The following PRR16 variants were observed in gnomAD, a reference collection of about 807,000 sequenced individuals.
The protein encoded by PRR16 is proline rich 16, also known as protein Largen.
PRR16 carries 6 observed loss-of-function variants against 18.2 expected under a neutral mutation model. The ratio of observed to expected loss-of-function variants is 0.33; its 90% CI spans 0.18 to 0.65. The LOEUF (loss-of-function observed/expected upper bound fraction) is 0.65, where lower values mean the gene tolerates loss of function less well. Among genes scored for constraint, PRR16 ranks in the 30% least tolerant of loss-of-function variants. PRR16 has a pLI of 0.74. For missense variants in PRR16, 412 were observed against 376.6 expected (o/e 1.09, Z -0.78); for synonymous variants, 151 against 147.8 (o/e 1.02, Z -0.16).
chr5:120,537,780 T>G (rs897938124), intron 1 of PRR16, among the ~76,000 whole-genome samples: 1 of 143,694 alleles, frequency 7.0e-6, no homozygotes, highest in Non-Finnish European at 1.5e-5. Context: ...TTTTTTTTTT[T>G]TTTTTTTTTT....
intron 1 of PRR16, among the ~76,000 whole-genome samples, chr5:120,466,885 T>C (rs529969919): frequency 6.2e-4 from 95 of 152,292 alleles, no homozygotes; most frequent in African/African-American, 2.3e-3. Flanking sequence ...TAATGTGATG[T>C]GATTGTTAAT....
intron 1 of PRR16, among the ~76,000 whole-genome samples, chr5:120,616,252 T>C (rs964866969): frequency 1.3e-5 from 2 of 152,138 alleles, no homozygotes; most frequent in African/African-American, 4.8e-5. Context: ...GAAACTGTAG[T>C]GTTTTGGGAG....
At chr5:120,765,399 A>G in the PRR16 span, among the ~76,000 whole-genome samples, 1 of 152,062 alleles carries the variant, frequency 6.6e-6, no homozygotes, top group Non-Finnish European at 1.5e-5. Flanking sequence ...AGTGGTGAAA[A>G]GCTGTTTAGA....
intron 1 of PRR16, among the ~76,000 whole-genome samples, chr5:120,648,378 G>C (rs1039432286): frequency 6.6e-6 from 1 of 152,042 alleles, no homozygotes; most frequent in African/African-American, 2.4e-5. Flanking sequence ...GCCTTTGAAA[G>C]ATCAGTTATG....
chr5:120,734,345 G>A, the PRR16 span, among the ~76,000 whole-genome samples: 1 of 152,184 alleles, frequency 6.6e-6, no homozygotes, highest in African/African-American at 2.4e-5. Flanking sequence ...CTCTGTGTGT[G>A]TGTGTATGTG....
intron 1 of PRR16, among the ~76,000 whole-genome samples, chr5:120,632,513 TAGAA>T (rs1445595419): frequency 2.6e-5 from 4 of 151,392 alleles, no homozygotes; most frequent in Non-Finnish European, 5.9e-5. Context: ...TTCTGTGAAA[TAGAA>T]AGCATAAATT....
chr5:120,629,378 A>T (rs1260024558), intron 1 of PRR16, among the ~76,000 whole-genome samples: 1 of 152,088 alleles, frequency 6.6e-6, no homozygotes, highest in East Asian at 1.9e-4. Context: ...TAATTTTGAC[A>T]TGATTTCTGC....
intron 1 of PRR16, among the ~76,000 whole-genome samples, chr5:120,683,378 T>C (rs7734512): frequency 0.015 from 2,268 of 151,696 alleles, 56 homozygotes; most frequent in African/African-American, 0.051. Context: ...GGTGGCTGCC[T>C]GTAATCCCAG....
At chr5:120,657,172 T>A (rs1016110130) in intron 1 of PRR16, among the ~76,000 whole-genome samples, 4 of 151,944 alleles carry the variant, frequency 2.6e-5, no homozygotes, top group Non-Finnish European at 5.9e-5. Context: ...TAAAGGTAAA[T>A]TAGAAATGAT....
At chr5:120,595,536 G>A (rs1046593398) in intron 1 of PRR16, among the ~76,000 whole-genome samples, 10 of 151,774 alleles carry the variant, frequency 6.6e-5, no homozygotes, top group Admixed American at 3.3e-4. Flanking sequence ...CGGAAGTAGT[G>A]TGACAATTTA....
chr5:120,599,298 G>A (rs1188980935), intron 1 of PRR16, among the ~76,000 whole-genome samples: 1 of 151,758 alleles, frequency 6.6e-6, no homozygotes, highest in Non-Finnish European at 1.5e-5. Context: ...TAAAATATTT[G>A]AGTCTAAACT....
At chr5:120,498,441 C>G (rs1348308235) in intron 1 of PRR16, among the ~76,000 whole-genome samples, 1 of 150,926 alleles carries the variant, frequency 6.6e-6, no homozygotes, top group Non-Finnish European at 1.5e-5. Flanking sequence ...CCTTAAAACT[C>G]CTTTTACTTC....
chr5:120,526,260 C>T (rs41357149), intron 1 of PRR16, among the ~76,000 whole-genome samples: 3,466 of 152,222 alleles, frequency 0.023, 50 homozygotes, highest in South Asian at 0.031. Flanking sequence ...ACACCAGATT[C>T]CGTTCCACCT....
At chr5:120,758,962 G>A in the PRR16 span, among the ~76,000 whole-genome samples, 1 of 142,746 alleles carries the variant, frequency 7.0e-6, no homozygotes, top group South Asian at 2.2e-4. Context: ...ATTGATTTTT[G>A]TACCATAATT....
At chr5:120,490,673 A>C (rs1234205595) in intron 1 of PRR16, among the ~76,000 whole-genome samples, 1 of 152,212 alleles carries the variant, frequency 6.6e-6, no homozygotes, top group East Asian at 1.9e-4. Context: ...TTCTCTGTGC[A>C]GCTTTGTTCC....
chr5:120,539,341 A>G (rs1327892485), intron 1 of PRR16, among the ~76,000 whole-genome samples: 10 of 151,614 alleles, frequency 6.6e-5, no homozygotes, highest in Admixed American at 5.9e-4. Flanking sequence ...TTAATATCAA[A>G]TATTTAAAAT....
intron 1 of PRR16, among the ~76,000 whole-genome samples, chr5:120,602,133 G>A (rs922643358): frequency 2.0e-5 from 3 of 151,944 alleles, no homozygotes; most frequent in Admixed American, 2.0e-4. Flanking sequence ...GAATAACATT[G>A]AATCTGTAAA....
At chr5:120,505,932 G>A (rs959546251) in intron 1 of PRR16, among the ~76,000 whole-genome samples, 1 of 139,218 alleles carries the variant, frequency 7.2e-6, no homozygotes, top group African/African-American at 2.6e-5. Flanking sequence ...ATATATGTGT[G>A]TATGTGTGTG....
At chr5:120,667,897 G>A (rs1323693117) in intron 1 of PRR16, among the ~76,000 whole-genome samples, 1 of 152,122 alleles carries the variant, frequency 6.6e-6, no homozygotes, top group Non-Finnish European at 1.5e-5. Flanking sequence ...TTTGGAATAG[G>A]TGTGGTGTGG....
Sources: allele counts gnomAD v4.1 joint callset (sites outside exome capture counted in the v4.1 genomes callset), GRCh38; gene constraint gnomAD v4.1.1; transcripts MANE v1.5; gene names NCBI Gene and HGNC (gene_info 2026-07-23, HGNC 2026-07-21).